QSOX2: variants seen among roughly 807,000 people sequenced by gnomAD.
The protein encoded by QSOX2 is quiescin sulfhydryl oxidase 2.
In QSOX2, 46 loss-of-function variants were observed where a neutral mutation model predicts 61.7. The ratio of observed to expected loss-of-function variants is 0.75; its 90% CI spans 0.59 to 0.95. The LOEUF is 0.95. QSOX2 is among the 40% of genes least tolerant of loss of function. QSOX2 has a pLI of 0.00. For synonymous variants in QSOX2, 383 were observed against 388.4 expected, an observed-to-expected ratio of 0.99 and a Z score of 0.16; for missense variants, 879 against 918.9, an observed-to-expected ratio of 0.96 and a Z score of 0.56.
In QSOX2 at chr9:136,209,761, C is replaced by A. The variant is rs1831823422; in HGVS notation, c.1550-486G>T. On this transcript the variant is annotated intron_variant, in intron 11 of 11. Coordinates refer to ENST00000358701, the MANE Select transcript of QSOX2 (RefSeq NM_181701.4). The surrounding 1 kb of genome is among the most constrained non-coding windows in gnomAD (Gnocchi z 5.6). ...TGCTATGGACAGTGGGCCTTAGGTG[C>A]ACCTTCAGGAAAGGGCAGAGGGGCA... The A allele has an allele frequency of 2.0e-6, 2 of 985,058 alleles. No individual in the cohort carries two copies. The highest frequency in any genetic ancestry group is 1.7e-5 in the African/African-American group (1 of 57,296). The allele number at this position is 985,058 out of a possible 1,614,324, so 61.0% of individuals were successfully genotyped here.
chr9:136,220,274 T>C (rs1831965056), intron 6 of QSOX2, among the ~76,000 whole-genome samples: 1 of 152,226 alleles, frequency 6.6e-6, no homozygotes, highest in Non-Finnish European at 1.5e-5. Context: ...AGTAATCCTC[T>C]CATCTCAGCC....
intron 8 of QSOX2, 81 bp downstream of exon 8, chr9:136,218,598 C>T (rs199618366): frequency 7.3e-6 from 11 of 1,499,350 alleles, no homozygotes; most frequent in South Asian, 2.6e-5. Flanking sequence ...GCGGAGCCCC[C>T]GCAGTGTCCG....
At chr9:136,241,038 C>G (rs1830429415) in intron 1 of QSOX2, among the ~76,000 whole-genome samples, 1 of 152,088 alleles carries the variant, frequency 6.6e-6, no homozygotes, top group African/African-American at 2.4e-5. Context: ...ACCATCCCGT[C>G]TTACTTCAAC....
chr9:136,244,865 G>C (rs1169525751), intron 1 of QSOX2, among the ~76,000 whole-genome samples: 1 of 152,200 alleles, frequency 6.6e-6, no homozygotes, highest in East Asian at 1.9e-4. Flanking sequence ...TTTATAGGTT[G>C]TTTTGGGGTA....
At chr9:136,243,971 T>A (rs994670814) in intron 1 of QSOX2, among the ~76,000 whole-genome samples, 1 of 152,152 alleles carries the variant, frequency 6.6e-6, no homozygotes, top group Admixed American at 6.5e-5. Flanking sequence ...CCAGGGACAG[T>A]TCTCAAGGCT....
In QSOX2 at chr9:136,208,653, T is replaced by C; in HGVS notation, c.*75A>G. On this transcript the variant is annotated 3_prime_UTR_variant, in exon 12 of 12. Coordinates refer to ENST00000358701, the MANE Select transcript of QSOX2 (RefSeq NM_181701.4). ...TGTTTATAAAATCCCTGATCATAAA[T>C]ATTAAAGCTGCAGGTGGCACGGGGC... The C allele has an allele frequency of 2.0e-6, 3 of 1,483,516 alleles. No homozygotes were observed. Among genetic ancestry groups the C allele is most frequent in the East Asian group, 4.6e-5 (2 of 43,176 alleles). 91.9% of individuals were successfully genotyped at this position (1,483,516 alleles called of 1,614,324 possible).
chr9:136,235,676 G>C (rs956572815), intron 1 of QSOX2, among the ~76,000 whole-genome samples: 1 of 152,212 alleles, frequency 6.6e-6, no homozygotes, highest in African/African-American at 2.4e-5. Flanking sequence ...TAGAGCGCTG[G>C]CATCAGCCAG....
In QSOX2 at chr9:136,207,372, C is replaced by G. The variant is rs1392466623; in HGVS notation, c.*1356G>C. On this transcript the variant is annotated 3_prime_UTR_variant, in exon 12 of 12. Coordinates refer to ENST00000358701, the MANE Select transcript of QSOX2 (RefSeq NM_181701.4). ...AGTCTCTCTCTCTCTCATACACACACACACACACACACACACACACACACA... is the reference window on the plus strand; with the variant it reads ...AGTCTCTCTCTCTCTCATACACACAGACACACACACACACACACACACACA... 6.7e-6 allele frequency: 1 copy of G among 148,898 alleles called. No homozygotes were observed. The highest frequency in any genetic ancestry group is 2.5e-5 in the African/African-American group (1 of 40,092). 9.2% of individuals were successfully genotyped at this position (148,898 alleles called of 1,614,324 possible).
chr9:136,224,161 G>T (rs777504809), intron 3 of QSOX2, 49 bp from the exon 4 acceptor site: 2 of 1,471,386 alleles, frequency 1.4e-6, no homozygotes, highest in Non-Finnish European at 1.9e-6. Flanking sequence ...CTGTCCTCGT[G>T]GGGCAGGCAT....
At chr9:136,234,966 T>C (rs769654980) in intron 1 of QSOX2, among the ~76,000 whole-genome samples, 1 of 152,058 alleles carries the variant, frequency 6.6e-6, no homozygotes, top group Non-Finnish European at 1.5e-5. Flanking sequence ...GCCTTCCAGG[T>C]CTCCATCCGA....
rs1182825274 is a variant in QSOX2, at chr9:136,208,079, G to GTC, written c.*647_*648dup. ...CCCTGTTGAAATCCCCACGTCTGGT[G>GTC]TCGAACACCCGGAGGAACAAGGAGA... On this transcript the variant is annotated 3_prime_UTR_variant, in exon 12 of 12. Coordinates refer to ENST00000358701, the MANE Select transcript of QSOX2 (RefSeq NM_181701.4). The GTC allele has an allele frequency of 6.6e-6, 1 of 152,096 alleles. No individual in the cohort carries two copies. The highest frequency in any genetic ancestry group is 1.5e-5 in the Non-Finnish European group (1 of 68,076). The allele number at this position is 152,096 out of a possible 1,614,324, so 9.4% of individuals were successfully genotyped here.
At position 136,232,935 on chromosome 9, in the gene QSOX2, A is replaced by AAAAG. The variant is rs1564296304; in HGVS notation, c.329-6065_329-6062dup. Among the ~76,000 whole-genome samples the AAAAG allele has an allele frequency of 1.1e-3, 157 of 142,344 alleles. 2 individuals are homozygous for AAAAG. Among genetic ancestry groups the AAAAG allele is most frequent in the Non-Finnish European group, 1.3e-3 (85 of 66,026 alleles). 93.4% of individuals were successfully genotyped at this position (142,344 alleles called of 152,430 possible). On this transcript the variant is annotated intron_variant, in intron 1 of 11. Coordinates refer to ENST00000358701, the MANE Select transcript of QSOX2 (RefSeq NM_181701.4). ...CCTGTCTCAAAAAAAAAAAAAAAAA[A>AAAAG]AAAGAAAAAAGAAAAAAAAAGAAAA...
chr9:136,241,391 C>T (rs566653763), intron 1 of QSOX2, among the ~76,000 whole-genome samples: 2 of 152,318 alleles, frequency 1.3e-5, no homozygotes, highest in East Asian at 3.9e-4. Flanking sequence ...GGACAATGAG[C>T]CTGTGGGGAA....
Position 136,239,252 on chromosome 9 carries a change from G to A in QSOX2, c.328+6224C>T, listed in dbSNP as rs1388662979. ...GGCTGGAGTACAGGAGAGTGATCAC[G>A]GCTCACTGCAGCCTCAACCTCCTGG... On this transcript the variant is annotated intron_variant, in intron 1 of 11. Transcript: ENST00000358701. Among the ~76,000 whole-genome samples, 8 of 152,264 alleles carry A rather than the reference G, an allele frequency of 5.3e-5. No homozygotes were observed. In the East Asian group the frequency reaches 1.3e-3, roughly 26 times the overall value.
intron 6 of QSOX2, among the ~76,000 whole-genome samples, chr9:136,220,436 C>T (rs1831966922): frequency 6.6e-6 from 1 of 152,278 alleles, no homozygotes; most frequent in Non-Finnish European, 1.5e-5. Flanking sequence ...CCCCAAGAGA[C>T]AGGAAACACG....
At chr9:136,210,334 A>G in intron 11 of QSOX2, 1 of 985,478 alleles carries the variant, frequency 1.0e-6, no homozygotes, top group Non-Finnish European at 1.2e-6. Context: ...ACTGGGCTGT[A>G]AGGCCCCTTT....
At chr9:136,234,050 C>T (rs1005071134) in intron 1 of QSOX2, among the ~76,000 whole-genome samples, 4 of 148,780 alleles carry the variant, frequency 2.7e-5, no homozygotes, top group East Asian at 1.9e-4. Context: ...AAGGTCTTCA[C>T]GAGGCTCCAC....
At chr9:136,211,190 T>C in intron 11 of QSOX2, 74 bp downstream of exon 11, 1 of 1,493,296 alleles carries the variant, frequency 6.7e-7, no homozygotes, top group Non-Finnish European at 9.2e-7. Context: ...ACGGCAGCCG[T>C]GCCGTCCTTG....
At chr9:136,239,226 A>G (rs1830415513) in intron 1 of QSOX2, among the ~76,000 whole-genome samples, 1 of 152,242 alleles carries the variant, frequency 6.6e-6, no homozygotes, top group African/African-American at 2.4e-5. Flanking sequence ...TCCGTCACCC[A>G]GGCTGGAGTA....
Sources: allele counts gnomAD v4.1 joint callset (sites outside exome capture counted in the v4.1 genomes callset), GRCh38; gene constraint gnomAD v4.1.1; non-coding constraint Gnocchi (gnomAD v3.1); transcripts MANE v1.5; gene names NCBI Gene and HGNC (gene_info 2026-07-23, HGNC 2026-07-21).